Variants in PHKA2 observed in about 807,000 individuals in gnomAD.
The protein encoded by PHKA2 is phosphorylase b kinase regulatory subunit alpha, liver isoform.
A neutral mutation model predicts 102.0 loss-of-function variants in PHKA2; 31 were observed. The ratio of observed to expected loss-of-function variants is 0.30; its 90% CI spans 0.23 to 0.41. The LOEUF (loss-of-function observed/expected upper bound fraction) is 0.41. Ranked by LOEUF, PHKA2 falls within the 10% of genes least tolerant of loss-of-function variation. The pLI, the probability that PHKA2 is intolerant of heterozygous loss-of-function variation, is 1.00. For synonymous variants in PHKA2, 455 were observed against 416.2 expected, an observed-to-expected ratio of 1.09 and a Z score of -1.13; for missense variants, 858 against 1,023.1, an observed-to-expected ratio of 0.84 and a Z score of 2.20.
At chrX:18,903,889 G>A (rs1337998939) in intron 26 of PHKA2, among the ~76,000 whole-genome samples, 2 of 112,000 alleles carry the variant, frequency 1.8e-5, no homozygotes, top group African/African-American at 6.5e-5. Context: ...TCAGGACAAA[G>A]GCCAAACAGT....
intron 11 of PHKA2, 117 bp from the exon 12 acceptor site, chrX:18,931,865 T>A (rs1188139531): frequency 5.1e-6 from 3 of 584,525 alleles, no homozygotes; most frequent in Non-Finnish European, 8.9e-6. Flanking sequence ...AGGCCAATTC[T>A]GTGCAGGTGC....
At chrX:18,967,724 T>A (rs185675820) in intron 1 of PHKA2, among the ~76,000 whole-genome samples, 130 of 105,467 alleles carry the variant, frequency 1.2e-3, no homozygotes, top group African/African-American at 4.2e-3. Context: ...GAGAAAGCAA[T>A]ATAGCCCATA....
At chrX:18,931,164 G>A (rs780823207) in intron 12 of PHKA2, among the ~76,000 whole-genome samples, 3 of 112,417 alleles carry the variant, frequency 2.7e-5, no homozygotes, top group South Asian at 7.4e-4. Context: ...CAGGTTGTCC[G>A]GGGCAACACC....
chrX:18,976,577 A>G (rs767974863), intron 1 of PHKA2, among the ~76,000 whole-genome samples: 69 of 111,979 alleles, frequency 6.2e-4, no homozygotes, highest in Non-Finnish European at 1.1e-3. Flanking sequence ...GAGAGGCCAC[A>G]TTCACATAAT....
At chrX:18,950,942 A>G (rs2048673316) in intron 4 of PHKA2, among the ~76,000 whole-genome samples, 162 bp downstream of exon 4, 1 of 112,612 alleles carries the variant, frequency 8.9e-6, no homozygotes, top group African/African-American at 3.2e-5. Flanking sequence ...CAGAACTGCG[A>G]GAAAAAGCAT....
At chrX:18,951,005 C>T in intron 4 of PHKA2, 99 bp downstream of exon 4, 1 of 816,767 alleles carries the variant, frequency 1.2e-6, no homozygotes, top group South Asian at 2.1e-5. Context: ...AGCAGTGAAG[C>T]AGCACATGGC....
chrX:18,897,105 C>T (rs1456664974), intron 30 of PHKA2, 58 bp downstream of exon 30: 5 of 1,164,803 alleles, frequency 4.3e-6, no homozygotes, highest in Non-Finnish European at 5.8e-6. Context: ...TGCCACCATG[C>T]CTTGCCAGGA....
intron 13 of PHKA2, among the ~76,000 whole-genome samples, chrX:18,927,718 C>A (rs925103716): frequency 8.9e-6 from 1 of 111,880 alleles, no homozygotes; most frequent in Admixed American, 9.5e-5. Flanking sequence ...TACAGCTGCA[C>A]GTGGACTGAA....
chrX:18,941,439 G>A, intron 8 of PHKA2, 90 bp downstream of exon 8: 1 of 823,461 alleles, frequency 1.2e-6, no homozygotes, highest in Non-Finnish European at 1.8e-6. Flanking sequence ...GATAAATCAA[G>A]CAATTAACCT....
chrX:18,934,102 G>A (rs1462556155), intron 11 of PHKA2, among the ~76,000 whole-genome samples: 1 of 111,937 alleles, frequency 8.9e-6, no homozygotes, highest in African/African-American at 3.2e-5. Context: ...TTTCCCGAAT[G>A]CCTCAGTACT....
intron 8 of PHKA2, among the ~76,000 whole-genome samples, 158 bp downstream of exon 8, chrX:18,941,371 C>T (rs900506488): frequency 9.0e-6 from 1 of 111,486 alleles, no homozygotes; most frequent in Non-Finnish European, 1.9e-5. Context: ...CTAAATCACT[C>T]GGAGACTTTG....
In PHKA2 at chrX:18,894,353, G is replaced by A. The variant is rs368131175; in HGVS notation, c.3388C>T (p.Arg1130Cys). ...TGCCGGTACTCGGGCTGCGGCACGC[G>A]GTTCAGCACCGATTCGACATGGACA... ...FAVHVESVLN[R>C]VPQPEYRQLL... Residue 1130 changes from arginine (R) to cysteine (C), a missense_variant, in exon 32 of 33, where the codon CGC becomes TGC. Arg to Cys is a radical substitution (Grantham distance 180). Coordinates refer to ENST00000379942, the MANE Select transcript of PHKA2 (RefSeq NM_000292.3). The A allele has an allele frequency of 6.4e-5, 78 of 1,210,166 alleles. No individual in the cohort carries two copies. Among genetic ancestry groups the A allele is most frequent in the Non-Finnish European group, 8.2e-5 (73 of 895,114 alleles).
At chrX:18,911,172 ATTTTTTTTT>A (rs201671901) in intron 19 of PHKA2, among the ~76,000 whole-genome samples, 1 of 96,758 alleles carries the variant, frequency 1.0e-5, no homozygotes, top group African/African-American at 3.8e-5. Flanking sequence ...CGCCCAGCTA[ATTTTTTTTT>A]TTTTTTTTTG....
intron 11 of PHKA2, among the ~76,000 whole-genome samples, chrX:18,934,812 C>A (rs1334045608): frequency 9.2e-6 from 1 of 109,163 alleles, no homozygotes; most frequent in Non-Finnish European, 2.0e-5. Context: ...ACTTCCATCA[C>A]ACAGAAATGT....
At chrX:18,953,660 A>G (rs1189906845) in intron 2 of PHKA2, among the ~76,000 whole-genome samples, 1 of 112,023 alleles carries the variant, frequency 8.9e-6, no homozygotes, top group Admixed American at 9.4e-5. Flanking sequence ...AAAGAAATGT[A>G]ACTAATTATA....
intron 31 of PHKA2, 80 bp from the exon 32 acceptor site, chrX:18,894,484 G>T: frequency 1.1e-6 from 1 of 871,218 alleles, no homozygotes; most frequent in Non-Finnish European, 1.7e-6. Flanking sequence ...AACCAAGGGT[G>T]ACCGTAGCAG....
chrX:18,931,934 T>C (rs1392785889), intron 11 of PHKA2, among the ~76,000 whole-genome samples, 186 bp from the exon 12 acceptor site: 1 of 111,507 alleles, frequency 9.0e-6, no homozygotes, highest in Non-Finnish European at 1.9e-5. Context: ...GCAGCGGAGG[T>C]GGAAGTCAAA....
chrX:18,902,151 A>AT (rs1489117940), intron 26 of PHKA2, among the ~76,000 whole-genome samples: 2 of 107,391 alleles, frequency 1.9e-5, no homozygotes, highest in African/African-American at 3.4e-5. Flanking sequence ...ATGTTTTTTT[A>AT]TTTTTTTTGA....
intron 5 of PHKA2, among the ~76,000 whole-genome samples, chrX:18,948,161 A>G (rs1286245294): frequency 8.9e-6 from 1 of 112,397 alleles, no homozygotes; most frequent in Non-Finnish European, 1.9e-5. Flanking sequence ...TAAAAAAATT[A>G]AAAATAAAAT....
Sources: gnomAD v4.1 joint callset for allele counts (sites outside exome capture counted in the v4.1 genomes callset) on GRCh38, gnomAD v4.1.1 for gene constraint, MANE v1.5 for transcripts, NCBI Gene and HGNC (gene_info 2026-07-23, HGNC 2026-07-21) for gene names.